Variants in NELL1 observed in about 807,000 individuals in gnomAD.
The protein encoded by NELL1 is neural EGFL like 1.
NELL1 carries 76 observed loss-of-function variants against 107.4 expected under a neutral mutation model. The ratio of observed to expected loss-of-function variants is 0.71; its 90% CI spans 0.59 to 0.86. The LOEUF is 0.86. Ranked by LOEUF, NELL1 falls within the 40% of genes least tolerant of loss-of-function variation. NELL1 has a pLI of 0.00. For synonymous variants in NELL1, 353 were observed against 341.2 expected (o/e 1.03, Z -0.38); for missense variants, 1,024 against 1,005.5 (o/e 1.02, Z -0.25).
At chr11:21,482,791 C>G (rs576169430) in intron 15 of NELL1, among the ~76,000 whole-genome samples, 5 of 151,136 alleles carry the variant, frequency 3.3e-5, no homozygotes, top group African/African-American at 1.2e-4. Flanking sequence ...GTGACAGTGC[C>G]TTTCCTTTTG....
At chr11:21,492,098 A>G (rs1854836214) in intron 15 of NELL1, among the ~76,000 whole-genome samples, 1 of 152,206 alleles carries the variant, frequency 6.6e-6, no homozygotes, top group Non-Finnish European at 1.5e-5. Flanking sequence ...ATGAACAGAC[A>G]CTTCTCAAAA....
chr11:21,489,748 C>G (rs112998689), intron 15 of NELL1, among the ~76,000 whole-genome samples: 1 of 151,944 alleles, frequency 6.6e-6, no homozygotes, highest in African/African-American at 2.4e-5. Context: ...ATGTAACATC[C>G]CTTTGTGATA....
intron 12 of NELL1, among the ~76,000 whole-genome samples, chr11:20,979,865 A>T (rs1197811622): frequency 6.6e-6 from 1 of 152,112 alleles, no homozygotes; most frequent in Non-Finnish European, 1.5e-5. Flanking sequence ...GCTCCAGGGC[A>T]CGGTTTTGGA....
chr11:21,023,340 T>C (rs556210561), intron 12 of NELL1, among the ~76,000 whole-genome samples: 62 of 152,156 alleles, frequency 4.1e-4, no homozygotes, highest in African/African-American at 1.4e-3. Context: ...AAAATGACTT[T>C]ATAGTAATGC....
chr11:21,022,843 G>A (rs1223110506), intron 12 of NELL1, among the ~76,000 whole-genome samples: 2 of 152,076 alleles, frequency 1.3e-5, no homozygotes, highest in Non-Finnish European at 2.9e-5. Context: ...ATATTAAGCA[G>A]TCAATCAATT....
At chr11:21,066,916 T>G (rs981929692) in intron 12 of NELL1, among the ~76,000 whole-genome samples, 5 of 152,028 alleles carry the variant, frequency 3.3e-5, no homozygotes, top group African/African-American at 1.2e-4. Context: ...ATTGCACCAC[T>G]GCAATCCAGC....
chr11:21,502,729 C>T (rs560717805), intron 15 of NELL1, among the ~76,000 whole-genome samples: 2 of 152,158 alleles, frequency 1.3e-5, no homozygotes, highest in African/African-American at 2.4e-5. Context: ...TCTGGTTATA[C>T]ACACATCATT....
intron 4 of NELL1, among the ~76,000 whole-genome samples, chr11:20,859,194 C>T (rs151076510): frequency 2.6e-5 from 4 of 152,324 alleles, no homozygotes; most frequent in African/African-American, 9.6e-5. Flanking sequence ...CATGCACCTC[C>T]AGCTTCCGTG....
At chr11:20,953,397 A>G (rs1851107393) in intron 11 of NELL1, among the ~76,000 whole-genome samples, 3 of 152,198 alleles carry the variant, frequency 2.0e-5, no homozygotes, top group Admixed American at 6.5e-5. Flanking sequence ...TATGTCTATC[A>G]TTGGCTGCAA....
At chr11:20,726,508 A>G (rs1405979790) in intron 2 of NELL1, among the ~76,000 whole-genome samples, 1 of 152,110 alleles carries the variant, frequency 6.6e-6, no homozygotes, top group South Asian at 2.1e-4. Context: ...ACTTTACACA[A>G]GTTGAACCCC....
intron 14 of NELL1, among the ~76,000 whole-genome samples, chr11:21,268,987 G>GA (rs907394730): frequency 6.6e-6 from 1 of 151,874 alleles, no homozygotes; most frequent in Non-Finnish European, 1.5e-5. Context: ...TGCTACAGAA[G>GA]AAAAAATCTG....
At chr11:20,830,619 T>A (rs540716734) in intron 3 of NELL1, among the ~76,000 whole-genome samples, 3 of 152,236 alleles carry the variant, frequency 2.0e-5, no homozygotes, top group African/African-American at 7.2e-5. Context: ...ATTACAGGCA[T>A]GTCACCACAC....
chr11:21,292,472 A>G (rs1311347386), intron 14 of NELL1, among the ~76,000 whole-genome samples: 4 of 152,212 alleles, frequency 2.6e-5, no homozygotes. Flanking sequence ...ATGGATAGGA[A>G]GAATCAGTAT....
rs1449792410 is a variant in NELL1, at chr11:20,783,067, G to A, written c.185-613G>A. Among the ~76,000 whole-genome samples, 8 of 152,300 alleles carry A rather than the reference G, an allele frequency of 5.3e-5. No individual in the cohort carries two copies. In the East Asian group the frequency reaches 7.7e-4, roughly 15 times the overall value. On this transcript the variant is annotated intron_variant, in intron 2 of 19. Coordinates refer to ENST00000357134, the MANE Select transcript of NELL1 (RefSeq NM_006157.5). ...TTCCAGGCACGGGTGTGGAGCATGA[G>A]CATGCCTTGTATTTATTCGTTAAGC...
intron 2 of NELL1, among the ~76,000 whole-genome samples, chr11:20,753,958 C>T (rs1283783515): frequency 1.3e-5 from 2 of 152,154 alleles, no homozygotes; most frequent in African/African-American, 4.8e-5. Flanking sequence ...AACTGTGTCT[C>T]ATTGGTTTGT....
At chr11:20,677,211 C>T (rs1045673395) in intron 1 of NELL1, among the ~76,000 whole-genome samples, 5 of 152,324 alleles carry the variant, frequency 3.3e-5, no homozygotes, top group South Asian at 4.1e-4. Context: ...CCCTCTGCCA[C>T]CCTTCTTCAA....
chr11:21,433,985 A>G (rs949795909), intron 15 of NELL1, among the ~76,000 whole-genome samples: 17 of 152,028 alleles, frequency 1.1e-4, no homozygotes, highest in Admixed American at 1.1e-3. Context: ...GGCCATTTGT[A>G]TGTCTTATTT....
At chr11:20,906,721 T>C (rs1850007069) in intron 5 of NELL1, among the ~76,000 whole-genome samples, 1 of 151,752 alleles carries the variant, frequency 6.6e-6, no homozygotes, top group African/African-American at 2.4e-5. Flanking sequence ...GCCACATTAA[T>C]AGAATAAAGG....
chr11:20,762,016 C>T (rs1856431993), intron 2 of NELL1, among the ~76,000 whole-genome samples: 1 of 152,220 alleles, frequency 6.6e-6, no homozygotes, highest in Admixed American at 6.5e-5. Context: ...TCCAGGTGGG[C>T]ACCATCACAT....
Sources: gnomAD v4.1 joint callset for allele counts (sites outside exome capture counted in the v4.1 genomes callset) on GRCh38, gnomAD v4.1.1 for gene constraint, MANE v1.5 for transcripts, NCBI Gene and HGNC (gene_info 2026-07-23, HGNC 2026-07-21) for gene names.